UVRAG: variants seen among roughly 807,000 people sequenced by gnomAD.
The protein encoded by UVRAG is UV radiation resistance-associated gene protein.
In UVRAG, 19 loss-of-function variants were observed where a neutral mutation model predicts 78.0. The ratio of observed to expected loss-of-function variants is 0.24; its 90% CI spans 0.17 to 0.36. The LOEUF (loss-of-function observed/expected upper bound fraction) is 0.36, where lower values mean the gene tolerates loss of function less well. Ranked by LOEUF, UVRAG falls within the 10% of genes least tolerant of loss-of-function variation. The pLI is 1.00. For synonymous variants in UVRAG, 323 were observed against 324.6 expected, an observed-to-expected ratio of 1.00 and a Z score of 0.05; for missense variants, 740 against 853.8, an observed-to-expected ratio of 0.87 and a Z score of 1.66.
chr11:76,039,327 C>T (rs938643426), intron 12 of UVRAG, among the ~76,000 whole-genome samples: 1 of 152,060 alleles, frequency 6.6e-6, no homozygotes, highest in African/African-American at 2.4e-5. Flanking sequence ...AAGGAATTTC[C>T]TTAAAATGCC....
At chr11:75,823,710 T>C (rs985370047) in intron 1 of UVRAG, among the ~76,000 whole-genome samples, 1 of 152,180 alleles carries the variant, frequency 6.6e-6, no homozygotes, top group African/African-American at 2.4e-5. Flanking sequence ...AGACACCCAT[T>C]CTTTGCAGGG....
intron 6 of UVRAG, among the ~76,000 whole-genome samples, chr11:75,957,707 C>T (rs1055251460): frequency 9.2e-5 from 14 of 152,128 alleles, no homozygotes; most frequent in African/African-American, 3.1e-4. Context: ...TTTATTGTAG[C>T]AGTGTTTTGT....
chr11:75,920,914 G>A (rs941648500), intron 6 of UVRAG, among the ~76,000 whole-genome samples: 1 of 152,144 alleles, frequency 6.6e-6, no homozygotes, highest in African/African-American at 2.4e-5. Context: ...ATAATAGTCA[G>A]TGGTGAGGCT....
At chr11:75,907,973 G>A (rs947691793) in intron 5 of UVRAG, among the ~76,000 whole-genome samples, 1 of 152,034 alleles carries the variant, frequency 6.6e-6, no homozygotes, top group Non-Finnish European at 1.5e-5. Flanking sequence ...GTGGCATTAG[G>A]TACATTCACA....
chr11:76,013,964 G>A (rs1030422970), intron 11 of UVRAG, among the ~76,000 whole-genome samples: 11 of 152,252 alleles, frequency 7.2e-5, no homozygotes, highest in African/African-American at 2.4e-4. Context: ...AATAGGTGGA[G>A]TGGGAAGACT....
chr11:76,037,539 CAAAAAAAA>C (rs61354759), intron 12 of UVRAG, among the ~76,000 whole-genome samples: 48 of 48,522 alleles, frequency 9.9e-4, no homozygotes, highest in South Asian at 7.1e-3. Context: ...TTTGTCTTTA[CAAAAAAAA>C]AAAAAAAAAA....
chr11:76,061,904 G>T (rs1196187697), intron 12 of UVRAG, among the ~76,000 whole-genome samples: 2 of 152,180 alleles, frequency 1.3e-5, no homozygotes, highest in African/African-American at 4.8e-5. Flanking sequence ...ACCTCATTGA[G>T]TCCAGTGGAT....
intron 3 of UVRAG, among the ~76,000 whole-genome samples, chr11:75,875,732 G>C (rs1181769380): frequency 1.3e-5 from 2 of 151,678 alleles, no homozygotes; most frequent in Non-Finnish European, 2.9e-5. Context: ...AGACATCTGT[G>C]TGTAGGGATT....
intron 7 of UVRAG, among the ~76,000 whole-genome samples, chr11:75,981,493 T>C (rs1949392406): frequency 6.6e-6 from 1 of 152,034 alleles, no homozygotes; most frequent in Admixed American, 6.6e-5. Flanking sequence ...CTCTGATACT[T>C]AGGCTGAAGT....
intron 13 of UVRAG, among the ~76,000 whole-genome samples, chr11:76,100,846 G>A (rs190461275): frequency 6.6e-6 from 1 of 152,210 alleles, no homozygotes; most frequent in Non-Finnish European, 1.5e-5. Context: ...ACTTGCAAGT[G>A]AGAACATGTG....
chr11:76,126,844 G>A (rs1952406841), intron 14 of UVRAG, among the ~76,000 whole-genome samples: 1 of 152,094 alleles, frequency 6.6e-6, no homozygotes, highest in Admixed American at 6.6e-5. Context: ...TACAAGACTT[G>A]GCTCCACAGT....
At chr11:75,849,669 C>T (rs1946113454) in intron 1 of UVRAG, among the ~76,000 whole-genome samples, 1 of 152,042 alleles carries the variant, frequency 6.6e-6, no homozygotes, top group South Asian at 2.1e-4. Context: ...CCTTTTAATG[C>T]TAGATTAATA....
At position 76,016,917 on chromosome 11, in the gene UVRAG, A is replaced by G. The variant is rs554881778; in HGVS notation, c.1163A>G (p.His388Arg). 1 of 1,611,672 alleles carries G rather than the reference A, an allele frequency of 6.2e-7. No homozygotes were observed. The highest frequency in any genetic ancestry group is 2.2e-5 in the East Asian group (1 of 44,746). The change falls in exon 12 of 15, where the codon CAT (histidine) becomes CGT (arginine). Residue 388 changes from histidine to arginine, a missense_variant. Coordinates refer to ENST00000356136, the MANE Select transcript of UVRAG (RefSeq NM_003369.4). ...GTGCCCCTCAGATATCCTATAATTCATAAGGGGTCTAGATCAACAATCAAA... is the reference window on the plus strand; with the variant it reads ...GTGCCCCTCAGATATCCTATAATTCGTAAGGGGTCTAGATCAACAATCAAA... Reference protein sequence around the residue: ...LQVPLRYPIIHKGSRSTIKDN... With the variant: ...LQVPLRYPIIRKGSRSTIKDN...
intron 14 of UVRAG, among the ~76,000 whole-genome samples, chr11:76,126,403 T>G (rs1565171790): frequency 1.3e-5 from 2 of 152,254 alleles, no homozygotes; most frequent in Non-Finnish European, 2.9e-5. Context: ...TTCTCTTTTT[T>G]CATACTAAGC....
At chr11:76,024,912 T>C (rs1356170333) in intron 12 of UVRAG, among the ~76,000 whole-genome samples, 1 of 152,142 alleles carries the variant, frequency 6.6e-6, no homozygotes, top group African/African-American at 2.4e-5. Context: ...ATTGAATGAC[T>C]CATTGGATAA....
In UVRAG at chr11:76,039,696, G is replaced by A. The variant is rs892767137; in HGVS notation, c.1226+22716G>A. Among the ~76,000 whole-genome samples the A allele has an allele frequency of 2.0e-5, 3 of 152,290 alleles. No homozygotes were observed. The South Asian group carries it at 6.2e-4, about 32-fold the overall frequency. Reference sequence around the variant, plus strand: ...TTGAGACCAGCCTGGCCAGCATGGCGAAACCCTGTCTCTACTAAAAACACA... The same window carrying A: ...TTGAGACCAGCCTGGCCAGCATGGCAAAACCCTGTCTCTACTAAAAACACA... On this transcript the variant is annotated intron_variant, in intron 12 of 14. Transcript: ENST00000356136.
intron 2 of UVRAG, among the ~76,000 whole-genome samples, chr11:75,853,126 T>C (rs550021881): frequency 6.6e-6 from 1 of 152,262 alleles, no homozygotes; most frequent in South Asian, 2.1e-4. Flanking sequence ...TTTTTTGGGC[T>C]GGTCTCCAAC....
At chr11:76,033,996 G>A (rs1317783024) in intron 12 of UVRAG, among the ~76,000 whole-genome samples, 1 of 152,036 alleles carries the variant, frequency 6.6e-6, no homozygotes, top group Non-Finnish European at 1.5e-5. Flanking sequence ...ATACTAGTCT[G>A]TTGAGTAGCT....
chr11:76,119,561 T>C (rs1207517145), intron 14 of UVRAG, among the ~76,000 whole-genome samples: 1 of 152,160 alleles, frequency 6.6e-6, no homozygotes, highest in Non-Finnish European at 1.5e-5. Flanking sequence ...ATAATTCCTG[T>C]CAGCTAATGG....
Sources: allele counts gnomAD v4.1 joint callset (sites outside exome capture counted in the v4.1 genomes callset), GRCh38; gene constraint gnomAD v4.1.1; transcripts MANE v1.5; gene names NCBI Gene and HGNC (gene_info 2026-07-23, HGNC 2026-07-21).